The following SMURF2 variants were observed in gnomAD, a reference collection of about 807,000 sequenced individuals.
SMURF2 encodes E3 ubiquitin-protein ligase SMURF2.
SMURF2 carries 48 observed loss-of-function variants against 109.6 expected under a neutral mutation model. The ratio of observed to expected loss-of-function variants is 0.44; its 90% CI spans 0.35 to 0.56. SMURF2 has a LOEUF of 0.56. Among genes scored for constraint, SMURF2 ranks in the 20% least tolerant of loss-of-function variants. The pLI, the probability that SMURF2 is intolerant of heterozygous loss-of-function variation, is 0.01. For synonymous variants in SMURF2, 288 were observed against 317.1 expected (o/e 0.91, Z 0.97); for missense variants, 575 against 909.0 (o/e 0.63, Z 4.72).
rs543669986 is a variant in SMURF2 at position 64,614,912 on chromosome 17, C to T, written c.53-8272G>A. On this transcript the variant is annotated intron_variant, in intron 1 of 18. Transcript: ENST00000262435. Reference sequence around the variant, plus strand: ...TGTTTTCTCAAGATACGGTTTTAAACTTTATGGAAATCTTATACTTCATTT... The same window carrying T: ...TGTTTTCTCAAGATACGGTTTTAAATTTTATGGAAATCTTATACTTCATTT... Among the ~76,000 whole-genome samples the T allele has an allele frequency of 1.2e-3, 184 of 152,208 alleles. 1 individual carries two copies. Among genetic ancestry groups the T allele is most frequent in the Non-Finnish European group, 1.5e-3 (101 of 68,010 alleles).
At chr17:64,659,688 C>T (rs1303078185) in intron 1 of SMURF2, among the ~76,000 whole-genome samples, 1 of 152,034 alleles carries the variant, frequency 6.6e-6, no homozygotes, top group Non-Finnish European at 1.5e-5. Context: ...CCATCTAACC[C>T]TTTAATGTTT....
chr17:64,578,634 G>T (rs1555686282), intron 8 of SMURF2, 58 bp from the exon 9 acceptor site: 2 of 1,097,048 alleles, frequency 1.8e-6, no homozygotes. Context: ...ATCAAAGACA[G>T]TTATATACAC....
At chr17:64,613,164 A>C (rs1555689710) in intron 1 of SMURF2, among the ~76,000 whole-genome samples, 1 of 152,140 alleles carries the variant, frequency 6.6e-6, no homozygotes, top group East Asian at 1.9e-4. Context: ...TTTCTTGGGA[A>C]TGTACCTTGG....
chr17:64,629,069 G>C (rs1383484124), intron 1 of SMURF2, among the ~76,000 whole-genome samples: 1 of 152,094 alleles, frequency 6.6e-6, no homozygotes, highest in African/African-American at 2.4e-5. Context: ...AGTTTTCTGA[G>C]TTTAGAAAAC....
chr17:64,623,182 C>T (rs1219661854), intron 1 of SMURF2, among the ~76,000 whole-genome samples: 1 of 152,050 alleles, frequency 6.6e-6, no homozygotes, highest in Non-Finnish European at 1.5e-5. Context: ...CTAGGAATTA[C>T]CAAATTTAAA....
rs530243710 is a variant in SMURF2 at position 64,632,613 on chromosome 17, C to T, written c.53-25973G>A. Among the ~76,000 whole-genome samples the T allele has an allele frequency of 3.3e-5, 5 of 152,324 alleles. No individual in the cohort carries two copies. The South Asian group carries it at 1.0e-3, about 32-fold the overall frequency. On this transcript the variant is annotated intron_variant, in intron 1 of 18. Transcript: ENST00000262435. Reference sequence around the variant, plus strand: ...CCTGGTCTTAAGGAAGTTACAAATGCTTCCTATATTCTCTTTTCAGCTGAA... The same window carrying T: ...CCTGGTCTTAAGGAAGTTACAAATGTTTCCTATATTCTCTTTTCAGCTGAA...
intron 17 of SMURF2, 96 bp from the exon 18 acceptor site, chr17:64,546,434 G>A (rs929554138): frequency 2.9e-6 from 3 of 1,029,038 alleles, no homozygotes; most frequent in Non-Finnish European, 4.3e-6. Flanking sequence ...CACAGGATCT[G>A]GGGATAGGGG....
intron 1 of SMURF2, among the ~76,000 whole-genome samples, chr17:64,608,250 C>A (rs1424207611): frequency 2.6e-5 from 4 of 151,848 alleles, no homozygotes; most frequent in South Asian, 2.1e-4. Context: ...TTGACATAAA[C>A]TTGGGAATGA....
chr17:64,602,023 C>G (rs1399217625), intron 2 of SMURF2, among the ~76,000 whole-genome samples: 2 of 151,744 alleles, frequency 1.3e-5, no homozygotes, highest in East Asian at 3.9e-4. Flanking sequence ...AAGAAATAAT[C>G]ACAGCAACCT....
At chr17:64,566,561 G>GTTTTTTTTTTTTTGTTTTTTTTT (rs1969306919) in intron 10 of SMURF2, among the ~76,000 whole-genome samples, 3 of 43,784 alleles carry the variant, frequency 6.9e-5, no homozygotes, top group African/African-American at 2.3e-4. Context: ...AAGCTTTCTG[G>GTTTTTTTTTTTTTGTTTTTTTTT]TTTTTTTTTT....
chr17:64,661,154 A>AC (rs1278641255), intron 1 of SMURF2, among the ~76,000 whole-genome samples: 9 of 152,018 alleles, frequency 5.9e-5, no homozygotes, highest in Admixed American at 1.3e-4. Context: ...AAAAGGAACA[A>AC]CCCCAAACAT....
chr17:64,605,367 A>T (rs1224995536), intron 2 of SMURF2, among the ~76,000 whole-genome samples: 1 of 152,134 alleles, frequency 6.6e-6, no homozygotes, highest in Non-Finnish European at 1.5e-5. Flanking sequence ...ACTTTAATTC[A>T]GGTTCTGCTC....
At chr17:64,639,166 C>T (rs1970460693) in intron 1 of SMURF2, among the ~76,000 whole-genome samples, 1 of 152,182 alleles carries the variant, frequency 6.6e-6, no homozygotes, top group Non-Finnish European at 1.5e-5. Context: ...AAACTACACA[C>T]TTATAATATT....
chr17:64,608,891 G>A (rs1305599222), intron 1 of SMURF2, among the ~76,000 whole-genome samples: 1 of 151,852 alleles, frequency 6.6e-6, no homozygotes, highest in African/African-American at 2.4e-5. Context: ...ACATACTCAA[G>A]TCTTACCCAA....
intron 1 of SMURF2, among the ~76,000 whole-genome samples, chr17:64,648,056 CTTAAAAA>C (rs1970582799): frequency 2.0e-5 from 1 of 50,290 alleles, no homozygotes; most frequent in African/African-American, 8.9e-5. Context: ...GACCCTATCT[CTTAAAAA>C]AAAAAAAAAA....
intron 1 of SMURF2, among the ~76,000 whole-genome samples, chr17:64,633,653 T>G (rs1474767347): frequency 6.6e-6 from 1 of 152,212 alleles, no homozygotes; most frequent in African/African-American, 2.4e-5. Flanking sequence ...ACAACTTCAG[T>G]TGATTAGAGG....
At position 64,547,368 on chromosome 17, in the gene SMURF2, G is replaced by A. The variant is rs529044257; in HGVS notation, c.2071+232C>T. Among the ~76,000 whole-genome samples, 76 of 152,256 alleles carry A rather than the reference G, an allele frequency of 5.0e-4. No homozygotes were observed. Among genetic ancestry groups the A allele is most frequent in the African/African-American group, 1.7e-3 (70 of 41,540 alleles). The stretch of plus-strand genomic sequence containing the variant: ...GAAAACAAAGGCAGAGCATCACCAC[G>A]TACGGTCTCTAGCATGCGGCACTCA... On this transcript the variant is annotated intron_variant, in intron 17 of 18. Coordinates refer to ENST00000262435, the MANE Select transcript of SMURF2 (RefSeq NM_022739.4). This position sits in a 1 kb window ranked among gnomAD's most constrained non-coding sequence, Gnocchi z 4.2.
chr17:64,601,514 G>T lies in SMURF2; in HGVS notation c.92-3024C>A, dbSNP rs141849964. Among the ~76,000 whole-genome samples the T allele has an allele frequency of 4.3e-3, 657 of 152,220 alleles. 4 individuals carry two copies. Among genetic ancestry groups the T allele is most frequent in the Middle Eastern group, 6.8e-3 (2 of 294 alleles). The stretch of plus-strand genomic sequence containing the variant: ...TATAATGCGATGCCACCTCACTCCT[G>T]CAAGAATGGCCATAATCAAAAAATT... On this transcript the variant is annotated intron_variant, in intron 2 of 18. Coordinates refer to ENST00000262435, the MANE Select transcript of SMURF2 (RefSeq NM_022739.4).
chr17:64,643,930 G>A (rs892452989), intron 1 of SMURF2, among the ~76,000 whole-genome samples: 1 of 151,882 alleles, frequency 6.6e-6, no homozygotes, highest in South Asian at 2.1e-4. Flanking sequence ...GGGTTCAGGC[G>A]ATTCTCCTGC....
Sources: gnomAD v4.1 joint callset for allele counts (sites outside exome capture counted in the v4.1 genomes callset) on GRCh38, gnomAD v4.1.1 for gene constraint, Gnocchi (gnomAD v3.1) non-coding constraint, MANE v1.5 for transcripts, NCBI Gene and HGNC (gene_info 2026-07-23, HGNC 2026-07-21) for gene names.